Variants in IL1RAPL2 observed in about 807,000 individuals in gnomAD.
IL1RAPL2 encodes the protein X-linked interleukin-1 receptor accessory protein-like 2.
IL1RAPL2 carries 3 observed loss-of-function variants against 44.1 expected under a neutral mutation model. The ratio of observed to expected loss-of-function variants is 0.07; its 90% CI spans 0.03 to 0.18. The LOEUF is 0.18. Ranked by LOEUF, IL1RAPL2 falls within the 10% of genes least tolerant of loss-of-function variation. The pLI is 1.00. For missense variants in IL1RAPL2, 391 were observed against 496.4 expected (o/e 0.79, Z 2.02); for synonymous variants, 181 against 178.8 (o/e 1.01, Z -0.10).
chrX:104,683,176 G>A (rs1396375904), intron 2 of IL1RAPL2, among the ~76,000 whole-genome samples: 1 of 111,395 alleles, frequency 9.0e-6, no homozygotes, highest in African/African-American at 3.3e-5. Context: ...TTTTCTCCCT[G>A]CCTGGCATAG....
intron 2 of IL1RAPL2, among the ~76,000 whole-genome samples, chrX:105,152,272 ATTC>A (rs2033234263): frequency 8.9e-6 from 1 of 112,209 alleles, no homozygotes; most frequent in Admixed American, 9.5e-5. Context: ...AATGCATACA[ATTC>A]TTCTTATGAA....
intron 5 of IL1RAPL2, among the ~76,000 whole-genome samples, chrX:105,437,291 A>G (rs1024525075): frequency 7.7e-4 from 85 of 110,284 alleles, no homozygotes; most frequent in African/African-American, 2.6e-3. Context: ...ATTCTTATTA[A>G]TATCAAATAC....
At chrX:105,298,213 C>G (rs149613584) in intron 5 of IL1RAPL2, among the ~76,000 whole-genome samples, 1 of 111,358 alleles carries the variant, frequency 9.0e-6, no homozygotes, top group African/African-American at 3.3e-5. Flanking sequence ...CCATGCTGTA[C>G]GATAGATCTC....
intron 6 of IL1RAPL2, among the ~76,000 whole-genome samples, chrX:105,503,517 G>T (rs2147783137): frequency 9.0e-6 from 1 of 111,337 alleles, no homozygotes; most frequent in African/African-American, 3.3e-5. Flanking sequence ...CAGCAGTTTT[G>T]ATTAAACTGA....
chrX:105,616,956 C>T (rs1167480579), intron 6 of IL1RAPL2, among the ~76,000 whole-genome samples: 10 of 109,843 alleles, frequency 9.1e-5, no homozygotes, highest in African/African-American at 1.7e-4. Flanking sequence ...GTGGCACTAC[C>T]GTGACCCTGG....
intron 2 of IL1RAPL2, among the ~76,000 whole-genome samples, chrX:104,955,995 G>A (rs936543775): frequency 2.7e-5 from 3 of 112,255 alleles, no homozygotes; most frequent in Non-Finnish European, 5.6e-5. Flanking sequence ...GAAGGGAAGT[G>A]TATAACAAAG....
chrX:105,627,664 G>A (rs1012642126), intron 6 of IL1RAPL2, among the ~76,000 whole-genome samples: 1 of 111,915 alleles, frequency 8.9e-6, no homozygotes, highest in African/African-American at 3.2e-5. Flanking sequence ...TTTGTGAAAT[G>A]TCAGAAAGTT....
intron 6 of IL1RAPL2, among the ~76,000 whole-genome samples, chrX:105,614,236 G>T (rs1177861921): frequency 1.8e-5 from 2 of 111,825 alleles, no homozygotes; most frequent in Non-Finnish European, 3.8e-5. Flanking sequence ...ACTCGATGTT[G>T]TTAAAATGTC....
chrX:105,431,000 C>A (rs1181065345), intron 5 of IL1RAPL2, among the ~76,000 whole-genome samples: 1 of 112,047 alleles, frequency 8.9e-6, no homozygotes, highest in Non-Finnish European at 1.9e-5. Flanking sequence ...ACCGACTCTG[C>A]AAACTCATGA....
At chrX:105,596,680 A>G (rs1188059621) in intron 6 of IL1RAPL2, among the ~76,000 whole-genome samples, 2 of 111,865 alleles carry the variant, frequency 1.8e-5, no homozygotes, top group Non-Finnish European at 3.8e-5. Context: ...TTCATTTGGC[A>G]TAACTACATA....
chrX:104,585,981 A>T (rs986003964), intron 1 of IL1RAPL2, among the ~76,000 whole-genome samples: 2 of 111,193 alleles, frequency 1.8e-5, no homozygotes, highest in African/African-American at 6.5e-5. Context: ...TGCCGTGTTG[A>T]GTGGTATTTC....
At chrX:104,834,989 A>T (rs1921702300) in intron 2 of IL1RAPL2, among the ~76,000 whole-genome samples, 1 of 112,016 alleles carries the variant, frequency 8.9e-6, no homozygotes, top group Non-Finnish European at 1.9e-5. Flanking sequence ...TGCTGTTGAA[A>T]ATGGGAAATT....
chrX:104,831,090 G>A (rs1921592100), intron 2 of IL1RAPL2, among the ~76,000 whole-genome samples: 1 of 111,647 alleles, frequency 9.0e-6, no homozygotes. Context: ...GGAAAGTTAT[G>A]TAGCACTTTG....
chrX:105,623,231 C>G (rs1053474925), intron 6 of IL1RAPL2, among the ~76,000 whole-genome samples: 1 of 109,945 alleles, frequency 9.1e-6, no homozygotes, highest in Non-Finnish European at 1.9e-5. Context: ...TTCAAGGTCA[C>G]ATAACTAATT....
intron 2 of IL1RAPL2, among the ~76,000 whole-genome samples, chrX:104,899,646 T>C (rs909170844): frequency 2.7e-5 from 3 of 111,520 alleles, no homozygotes; most frequent in Non-Finnish European, 5.7e-5. Flanking sequence ...AATCTTTCTC[T>C]GGTTTGACTG....
At chrX:105,735,867 G>A (rs1324439839) in intron 7 of IL1RAPL2, among the ~76,000 whole-genome samples, 1 of 110,992 alleles carries the variant, frequency 9.0e-6, no homozygotes, top group Non-Finnish European at 1.9e-5. Context: ...TACTCTTCAC[G>A]GAATTAGAAA....
chrX:105,248,985 A>T (rs1471625333), intron 4 of IL1RAPL2, among the ~76,000 whole-genome samples: 1 of 111,498 alleles, frequency 9.0e-6, no homozygotes, highest in Admixed American at 9.6e-5. Context: ...TAGCAATCCC[A>T]CAGCTGGGTA....
chrX:104,592,145 A>ATATATGTGTG (rs1361322909), intron 1 of IL1RAPL2, among the ~76,000 whole-genome samples: 1 of 60,222 alleles, frequency 1.7e-5, no homozygotes, highest in Non-Finnish European at 3.1e-5. Context: ...ATGCCCGTAT[A>ATATATGTGTG]TGTGTGTGTG....
At chrX:105,757,714 G>T (rs1266595302) in intron 10 of IL1RAPL2, among the ~76,000 whole-genome samples, 1 of 111,509 alleles carries the variant, frequency 9.0e-6, no homozygotes, top group Non-Finnish European at 1.9e-5. Context: ...CCACTGGAGG[G>T]TGTTTGATTT....
Sources: gnomAD v4.1 joint callset for allele counts (sites outside exome capture counted in the v4.1 genomes callset) on GRCh38, gnomAD v4.1.1 for gene constraint, MANE v1.5 for transcripts, NCBI Gene and HGNC (gene_info 2026-07-23, HGNC 2026-07-21) for gene names.